The following RNGTT variants were observed in gnomAD, a reference collection of about 807,000 sequenced individuals.
RNGTT encodes the protein RNA guanylyltransferase and 5'-phosphatase, also known as mRNA-capping enzyme.
In RNGTT, 33 loss-of-function variants were observed where a neutral mutation model predicts 79.3. The observed-to-expected ratio is 0.42, with a 90% CI of 0.32 to 0.56. RNGTT has a LOEUF of 0.56. Among genes scored for constraint, RNGTT ranks in the 20% least tolerant of loss-of-function variants. The pLI is 0.17. For missense variants in RNGTT, 497 were observed against 739.1 expected, an observed-to-expected ratio of 0.67 and a Z score of 3.80; for synonymous variants, 222 against 235.9, an observed-to-expected ratio of 0.94 and a Z score of 0.54.
intron 13 of RNGTT, among the ~76,000 whole-genome samples, chr6:88,680,430 CCT>C (rs1187994575): frequency 6.6e-6 from 1 of 151,978 alleles, no homozygotes; most frequent in Admixed American, 6.6e-5. Context: ...GGGAATATCC[CCT>C]GTCCCCTACG....
intron 14 of RNGTT, among the ~76,000 whole-genome samples, chr6:88,667,249 A>C (rs1352518583): frequency 6.6e-6 from 1 of 152,168 alleles, no homozygotes; most frequent in Non-Finnish European, 1.5e-5. Context: ...TAAAGGAAGG[A>C]TGGATCTGGT....
At chr6:88,616,903 C>A (rs565531544) in intron 14 of RNGTT, among the ~76,000 whole-genome samples, 20 of 152,312 alleles carry the variant, frequency 1.3e-4, no homozygotes, top group Non-Finnish European at 2.6e-4. Context: ...ATGTAGTCCT[C>A]TTTGTCTATT....
chr6:88,646,433 G>C (rs1293670766), intron 14 of RNGTT, among the ~76,000 whole-genome samples: 1 of 152,200 alleles, frequency 6.6e-6, no homozygotes, highest in Non-Finnish European at 1.5e-5. Context: ...AAGTCAGTGT[G>C]GTGATTCCTC....
chr6:88,738,839 T>TACACACACACACACAC (rs200498670), intron 13 of RNGTT, among the ~76,000 whole-genome samples: 1 of 142,526 alleles, frequency 7.0e-6, no homozygotes, highest in Non-Finnish European at 1.6e-5. Context: ...ATAAATAAAA[T>TACACACACACACACAC]ACACACACAC....
intron 13 of RNGTT, among the ~76,000 whole-genome samples, chr6:88,740,600 T>C (rs1326384279): frequency 2.0e-5 from 3 of 152,118 alleles, no homozygotes; most frequent in Non-Finnish European, 4.4e-5. Flanking sequence ...AATGAGATCA[T>C]GTCCTTTGCA....
intron 11 of RNGTT, among the ~76,000 whole-genome samples, chr6:88,839,767 T>C (rs748168912): frequency 2.0e-5 from 3 of 152,200 alleles, no homozygotes; most frequent in Non-Finnish European, 4.4e-5. Flanking sequence ...TCATATATAG[T>C]CTGTTCAAAT....
At chr6:88,704,279 A>ACAAAC (rs1776055206) in intron 13 of RNGTT, among the ~76,000 whole-genome samples, 2 of 146,798 alleles carry the variant, frequency 1.4e-5, no homozygotes, top group African/African-American at 5.1e-5. Context: ...AAAAAAAAAA[A>ACAAAC]AAAAAAAGAC....
chr6:88,873,544 T>C (rs1048342634), intron 8 of RNGTT, among the ~76,000 whole-genome samples: 1 of 152,166 alleles, frequency 6.6e-6, no homozygotes, highest in African/African-American at 2.4e-5. Flanking sequence ...AATGAATATG[T>C]TTTTCATTTA....
intron 13 of RNGTT, among the ~76,000 whole-genome samples, chr6:88,730,733 T>G (rs924223686): frequency 4.6e-5 from 7 of 152,180 alleles, no homozygotes; most frequent in East Asian, 1.9e-4. Flanking sequence ...CACTCTATAA[T>G]GTTCACACAA....
At chr6:88,922,073 T>C (rs1340539614) in intron 4 of RNGTT, among the ~76,000 whole-genome samples, 4 of 151,836 alleles carry the variant, frequency 2.6e-5, no homozygotes, top group Admixed American at 2.0e-4. Flanking sequence ...ATTATTATTA[T>C]ATTAAATAAT....
At chr6:88,738,527 T>C (rs1045765258) in intron 13 of RNGTT, among the ~76,000 whole-genome samples, 2 of 152,044 alleles carry the variant, frequency 1.3e-5, no homozygotes, top group African/African-American at 4.8e-5. Context: ...TGCCTGTAAG[T>C]CCTAGCTACT....
At chr6:88,771,303 ATGTGTG>A (rs373169358) in intron 12 of RNGTT, among the ~76,000 whole-genome samples, 1 of 82,496 alleles carries the variant, frequency 1.2e-5, no homozygotes, top group Non-Finnish European at 2.3e-5. Context: ...GTATGTATGT[ATGTGTG>A]TGTGTGTATA....
intron 12 of RNGTT, among the ~76,000 whole-genome samples, chr6:88,800,937 T>C (rs1272836239): frequency 1.3e-5 from 2 of 152,162 alleles, no homozygotes; most frequent in African/African-American, 2.4e-5. Flanking sequence ...CATCCTACCA[T>C]GCACAAGACA....
intron 14 of RNGTT, among the ~76,000 whole-genome samples, chr6:88,646,720 A>C (rs1773576513): frequency 6.6e-6 from 1 of 152,122 alleles, no homozygotes; most frequent in African/African-American, 2.4e-5. Flanking sequence ...GGAAACCATC[A>C]TTCTCAGCAA....
At chr6:88,790,596 C>T (rs189623950) in intron 12 of RNGTT, among the ~76,000 whole-genome samples, 7 of 151,952 alleles carry the variant, frequency 4.6e-5, no homozygotes, top group Non-Finnish European at 8.8e-5. Context: ...AATAACTACA[C>T]GTTATAAAAT....
At chr6:88,865,500 T>C (rs1307666949) in intron 8 of RNGTT, among the ~76,000 whole-genome samples, 2 of 152,136 alleles carry the variant, frequency 1.3e-5, no homozygotes, top group African/African-American at 2.4e-5. Flanking sequence ...AGGTAACTCT[T>C]GGTAAAGGTT....
In RNGTT at chr6:88,633,824, G is replaced by A. The variant is rs184885003; in HGVS notation, c.1507-19429C>T. 3.8e-3 allele frequency among the ~76,000 whole-genome samples: 583 copies of A among 152,186 alleles called. 5 individuals are homozygous for A. Among genetic ancestry groups the A allele is most frequent in the Non-Finnish European group, 4.1e-3 (278 of 68,000 alleles). ...TTTTTAAGAAGTCCCTTAAAACCAT[G>A]CTGCCACATAAAATTAGGACATACA... On this transcript the variant is annotated intron_variant, in intron 14 of 15. Coordinates refer to ENST00000369485, the MANE Select transcript of RNGTT (RefSeq NM_003800.5).
intron 14 of RNGTT, among the ~76,000 whole-genome samples, chr6:88,640,809 G>A (rs771665278): frequency 5.9e-5 from 9 of 152,088 alleles, no homozygotes; most frequent in Non-Finnish European, 1.3e-4. Flanking sequence ...ATATTCAGGA[G>A]AACTTAACAC....
rs1368420800 is a variant in RNGTT at position 88,816,036 on chromosome 6, A to G, written c.1270-14404T>C. Among the ~76,000 whole-genome samples, 8 of 152,204 alleles carry G rather than the reference A, an allele frequency of 5.3e-5. 1 individual carries two copies. Among genetic ancestry groups the G allele is most frequent in the Admixed American group, 5.2e-4 (8 of 15,278 alleles). On this transcript the variant is annotated intron_variant, in intron 11 of 15. Transcript: ENST00000369485. ...TATAAAAATAAGACCTAAGATTTCTATCTAGAATGTTGTATGAAATATATT... is the reference window on the plus strand; with the variant it reads ...TATAAAAATAAGACCTAAGATTTCTGTCTAGAATGTTGTATGAAATATATT...
Sources: gnomAD v4.1 joint callset for allele counts (sites outside exome capture counted in the v4.1 genomes callset) on GRCh38, gnomAD v4.1.1 for gene constraint, MANE v1.5 for transcripts, NCBI Gene and HGNC (gene_info 2026-07-23, HGNC 2026-07-21) for gene names.